MFHAS1: variants seen among roughly 807,000 people sequenced by gnomAD.
MFHAS1 encodes malignant fibrous histiocytoma-amplified sequence 1.
Under a neutral mutation model 70.4 loss-of-function variants are expected in MFHAS1, and 50 were observed. The ratio of observed to expected loss-of-function variants is 0.71; its 90% CI spans 0.57 to 0.90. MFHAS1 has a LOEUF of 0.90. Ranked by LOEUF, MFHAS1 falls within the 40% of genes least tolerant of loss-of-function variation. The pLI is 0.00. For synonymous variants in MFHAS1, 952 were observed against 620.0 expected, an observed-to-expected ratio of 1.54 and a Z score of -7.96; for missense variants, 1,795 against 1,347.6, an observed-to-expected ratio of 1.33 and a Z score of -5.20.
chr8:8,797,298 G>A, intron 2 of MFHAS1, 67 bp downstream of exon 2: 5 of 1,566,422 alleles, frequency 3.2e-6, no homozygotes, highest in Non-Finnish European at 4.4e-6. Context: ...CTGGATTTTT[G>A]TGGTCATATC....
At chr8:8,797,863 G>C (rs894237086) in intron 1 of MFHAS1, among the ~76,000 whole-genome samples, 1 of 152,180 alleles carries the variant, frequency 6.6e-6, no homozygotes, top group Non-Finnish European at 1.5e-5. Context: ...GGCTGCCAAG[G>C]AGGTGTTCAT....
At chr8:8,815,522 G>T (rs948829464) in intron 1 of MFHAS1, among the ~76,000 whole-genome samples, 3 of 152,168 alleles carry the variant, frequency 2.0e-5, no homozygotes, top group African/African-American at 7.2e-5. Context: ...AGCTTCGCCA[G>T]CATCTGTTGC....
In MFHAS1 at chr8:8,890,964, G is replaced by A; in HGVS notation, c.2095C>T (p.Arg699Ter). 1.2e-6 allele frequency: 2 copies of A among 1,613,868 alleles called. No homozygotes were observed. The highest frequency in any genetic ancestry group is 1.7e-6 in the Non-Finnish European group (2 of 1,179,968). Reference protein sequence around the residue: ...LGLQAGLTEDRLQSALSYLHE... With the variant: ...LGLQAGLTED ...AGGTAGGAGAGGGCACTCTGCAGTC[G>A]GTCCTCGGTCAGACCCGCCTGCAGG... The change falls in exon 1 of 3, where the codon CGA (arginine) becomes TGA (stop). Residue 699 changes from arginine to a stop codon, truncating the protein, a stop_gained. Coordinates refer to ENST00000276282, the MANE Select transcript of MFHAS1 (RefSeq NM_004225.3). LOFTEE classifies it high-confidence loss of function.
intron 1 of MFHAS1, among the ~76,000 whole-genome samples, chr8:8,843,899 G>A (rs1051417954): frequency 3.3e-5 from 5 of 152,208 alleles, no homozygotes; most frequent in African/African-American, 1.2e-4. Flanking sequence ...AACCAAAGCA[G>A]TATTACCTGC....
intron 1 of MFHAS1, among the ~76,000 whole-genome samples, chr8:8,848,611 C>A (rs1019697474): frequency 8.3e-5 from 11 of 132,638 alleles, no homozygotes; most frequent in Non-Finnish European, 1.5e-4. Flanking sequence ...CGGAGCTGGG[C>A]AGTTATTAAT....
intron 2 of MFHAS1, chr8:8,790,217 C>G (rs1158624920): frequency 5.1e-6 from 1 of 195,044 alleles, no homozygotes; most frequent in African/African-American, 2.4e-5. Context: ...GATTCCTGTT[C>G]TCCAAAATCT....
chr8:8,865,276 C>CAAAAAAAAAAAAAAAAAAAAAAAAAAA (rs35910015), intron 1 of MFHAS1, among the ~76,000 whole-genome samples: 1 of 64,672 alleles, frequency 1.5e-5, no homozygotes. Flanking sequence ...GACTCCATCT[C>CAAAAAAAAAAAAAAAAAAAAAAAAAAA]AAAAAAAAAA....
At chr8:8,824,457 G>A (rs1184529782) in intron 1 of MFHAS1, among the ~76,000 whole-genome samples, 3 of 145,016 alleles carry the variant, frequency 2.1e-5, no homozygotes, top group African/African-American at 7.5e-5. Context: ...GAGTCTTCTG[G>A]CTCAGATGCA....
chr8:8,854,658 C>A (rs1030908236), intron 1 of MFHAS1, among the ~76,000 whole-genome samples: 1 of 149,378 alleles, frequency 6.7e-6, no homozygotes, highest in Non-Finnish European at 1.5e-5. Context: ...GCACTCCAGC[C>A]TGGATGACAG....
At chr8:8,811,231 T>C (rs2117283232) in intron 1 of MFHAS1, among the ~76,000 whole-genome samples, 1 of 152,244 alleles carries the variant, frequency 6.6e-6, no homozygotes, top group South Asian at 2.1e-4. Flanking sequence ...GGAAAAGCAC[T>C]AAATTGCACA....
chr8:8,785,737 C>CT lies in MFHAS1; in HGVS notation c.*284dup, dbSNP rs36026181. ...ACAAAATCCCTGAGAAGCCATTCGA[C>CT]TTTTTTTTTTTTTTTTTCTTTTCTT... On this transcript the variant is annotated 3_prime_UTR_variant, in exon 3 of 3. Transcript: ENST00000276282. 0.015 allele frequency: 3,386 copies of CT among 229,600 alleles called. No individual in the cohort carries two copies. Among genetic ancestry groups the CT allele is most frequent in the Middle Eastern group, 0.023 (16 of 682 alleles). 14.2% of individuals were successfully genotyped at this position (229,600 alleles called of 1,614,324 possible). A position where few individuals can be genotyped will look rare whatever the true frequency, so the allele number is the denominator to read the frequency against.
At chr8:8,873,188 C>G (rs142532179) in intron 1 of MFHAS1, among the ~76,000 whole-genome samples, 5 of 152,270 alleles carry the variant, frequency 3.3e-5, no homozygotes, top group Non-Finnish European at 7.4e-5. Flanking sequence ...AATAGCCCTC[C>G]GGAATCAAAG....
intron 1 of MFHAS1, among the ~76,000 whole-genome samples, chr8:8,839,904 A>T (rs1359605615): frequency 1.3e-5 from 2 of 152,178 alleles, no homozygotes; most frequent in Non-Finnish European, 2.9e-5. Context: ...GTATTTCCAG[A>T]GCTTTAATAG....
chr8:8,816,437 T>C (rs1806748728), intron 1 of MFHAS1, among the ~76,000 whole-genome samples: 1 of 152,222 alleles, frequency 6.6e-6, no homozygotes, highest in African/African-American at 2.4e-5. Context: ...TGACAGATTC[T>C]GAGCGGGACA....
At chr8:8,789,396 G>C (rs1805654479) in intron 2 of MFHAS1, among the ~76,000 whole-genome samples, 1 of 152,218 alleles carries the variant, frequency 6.6e-6, no homozygotes. Flanking sequence ...CTGTACACCT[G>C]TGAAGCCTAC....
intron 1 of MFHAS1, among the ~76,000 whole-genome samples, chr8:8,858,282 T>C (rs960949159): frequency 6.6e-6 from 1 of 152,220 alleles, no homozygotes; most frequent in African/African-American, 2.4e-5. Flanking sequence ...TTACAAGAGC[T>C]GTATGACATA....
intron 1 of MFHAS1, among the ~76,000 whole-genome samples, chr8:8,874,862 T>G (rs368969037): frequency 2.6e-5 from 4 of 151,840 alleles, no homozygotes; most frequent in African/African-American, 9.7e-5. Context: ...AAGGTTATCT[T>G]TTATATATGA....
chr8:8,820,220 G>C (rs952450839), intron 1 of MFHAS1, among the ~76,000 whole-genome samples: 4 of 151,320 alleles, frequency 2.6e-5, no homozygotes, highest in African/African-American at 9.7e-5. Flanking sequence ...CCCTTCCCAA[G>C]TCCCCAGAGT....
intron 1 of MFHAS1, among the ~76,000 whole-genome samples, chr8:8,809,985 T>C (rs1806487273): frequency 6.6e-6 from 1 of 152,200 alleles, no homozygotes; most frequent in Admixed American, 6.5e-5. Context: ...CCTTATGACC[T>C]GAAATTATAA....
Sources: gnomAD v4.1 joint callset for allele counts (sites outside exome capture counted in the v4.1 genomes callset) on GRCh38, gnomAD v4.1.1 for gene constraint, MANE v1.5 for transcripts, NCBI Gene and HGNC (gene_info 2026-07-23, HGNC 2026-07-21) for gene names.